TMEM132A: variants seen among roughly 807,000 people sequenced by gnomAD.
TMEM132A encodes transmembrane protein 132A.
Under a neutral mutation model 69.9 loss-of-function variants are expected in TMEM132A, and 48 were observed. The observed-to-expected ratio is 0.69, with a 90% CI of 0.55 to 0.87. The LOEUF (loss-of-function observed/expected upper bound fraction) is 0.87, where lower values mean the gene tolerates loss of function less well. Among genes scored for constraint, TMEM132A ranks in the 40% least tolerant of loss-of-function variants. TMEM132A has a pLI of 0.00. For missense variants in TMEM132A, 1,287 were observed against 1,407.2 expected (o/e 0.91, Z 1.37); for synonymous variants, 577 against 613.7 (o/e 0.94, Z 0.88).
In TMEM132A at chr11:60,936,218, C is replaced by A. The variant is rs750366214; in HGVS notation, c.2383C>A (p.Arg795=). 9.9e-6 allele frequency: 16 copies of A among 1,613,868 alleles called. No individual in the cohort carries two copies. Among genetic ancestry groups the A allele is most frequent in the Non-Finnish European group, 1.4e-5 (16 of 1,179,936 alleles). Residue 795 remains arginine, a synonymous_variant, in exon 11 of 11, where the codon CGG becomes AGG. Transcript: ENST00000453848. ...PATEATMGGK[R]QVAGSVGGNT... ...CACAGAAGCCACCATGGGTGGTAAA[C>A]GGCAGGTGGCAGGCAGTGTCGGGGG...
Position 60,927,413 on chromosome 11 carries a change from C to G in TMEM132A, c.310C>G (p.Gln104Glu). ...GGCCTCCTACCCACCTTTTGCCACT[C>G]AGCAGGTAAGGAGGGGGCACCGGGG... is the stretch of plus-strand genomic sequence containing the variant. ...LRASYPPFAT[Q>E]QVVPPRVTEP... The change falls in exon 2 of 11, where the codon CAG becomes GAG. Residue 104 changes from glutamine (Q) to glutamate (E), a missense_variant. Physicochemically the swap from Gln to Glu is conservative, Grantham distance 29. Coordinates refer to ENST00000453848, the MANE Select transcript of TMEM132A (RefSeq NM_178031.3). 1.2e-6 allele frequency: 2 copies of G among 1,611,812 alleles called. No homozygotes were observed. Among genetic ancestry groups the G allele is most frequent in the Non-Finnish European group, 1.7e-6 (2 of 1,178,998 alleles).
Position 60,927,434 on chromosome 11 carries a change from C to A in TMEM132A, c.315+16C>A. The stretch of plus-strand genomic sequence containing the variant: ...CACTCAGCAGGTAAGGAGGGGGCAC[C>A]GGGGACTCTCAGGCTAACAGGACTC... On this transcript the variant is annotated intron_variant, in intron 2 of 10. Transcript: ENST00000453848. The A allele has an allele frequency of 6.2e-7, 1 of 1,601,524 alleles. No individual in the cohort carries two copies.
At position 60,935,833 on chromosome 11, in the gene TMEM132A, A is replaced by T; in HGVS notation, c.2029-31A>T. Reference sequence around the variant, plus strand: ...TCTGTGCATGCGTGCGTGCCCTCGCATGTCTCTGCCTGTGTCTGTGTGCCC... The same window carrying T: ...TCTGTGCATGCGTGCGTGCCCTCGCTTGTCTCTGCCTGTGTCTGTGTGCCC... On this transcript the variant is annotated intron_variant, in intron 10 of 10. Coordinates refer to ENST00000453848, the MANE Select transcript of TMEM132A (RefSeq NM_178031.3). The surrounding 1 kb of genome is among the most constrained non-coding windows in gnomAD (Gnocchi z 5.0). 2 of 1,606,700 alleles carry T rather than the reference A, an allele frequency of 1.2e-6. No individual in the cohort carries two copies. The highest frequency in any genetic ancestry group is 1.7e-6 in the Non-Finnish European group (2 of 1,177,854).
chr11:60,931,606 G>T, intron 5 of TMEM132A, 83 bp from the exon 6 acceptor site: 1 of 1,363,626 alleles, frequency 7.3e-7, no homozygotes, highest in South Asian at 1.4e-5. Context: ...TGTAAAATGG[G>T]GATAATCATG....
In TMEM132A at chr11:60,930,653, A is replaced by T. The variant is rs776405918; in HGVS notation, c.1010A>T (p.Asp337Val). 6.2e-7 allele frequency: 1 copy of T among 1,608,590 alleles called. No individual in the cohort carries two copies. Among genetic ancestry groups the T allele is most frequent in the Admixed American group, 1.7e-5 (1 of 59,290 alleles). ...TCHRAGLTEPDSSPLELSEFL... is the reference protein window; with the variant it reads ...TCHRAGLTEPVSSPLELSEFL... ...CACCGTGCTGGGCTCACAGAGCCAG[A>T]TTCCAGGTGGGCAGTTTCCCTCCAC... is the stretch of plus-strand genomic sequence containing the variant. Residue 337 changes from aspartate (D) to valine (V), a missense_variant, in exon 5 of 11, where the codon GAT becomes GTT. By Grantham distance (152) the Asp-to-Val change is radical. Transcript: ENST00000453848.
chr11:60,930,903 G>T (rs2074415), intron 5 of TMEM132A, among the ~76,000 whole-genome samples: 64,879 of 152,014 alleles, frequency 0.43, 14,008 homozygotes, highest in Middle Eastern at 0.47. Context: ...CTTATTCTAA[G>T]AGATGCCAAC....
At chr11:60,928,605 A>G (rs2134896122) in intron 3 of TMEM132A, 24 bp from the exon 4 acceptor site, 2 of 1,601,198 alleles carry the variant, frequency 1.2e-6, no homozygotes, top group Non-Finnish European at 1.7e-6. Flanking sequence ...CCCCATGCCA[A>G]TTACTGCTGT....
Position 60,931,673 on chromosome 11 carries a change from C to T in TMEM132A, c.1017-16C>T. Reference sequence around the variant, plus strand: ...GCTAGCAAGCATTTGGCTTCTCTGTCTCCTTTGGCCAGCAGTCCCCTTGAA... The same window carrying T: ...GCTAGCAAGCATTTGGCTTCTCTGTTTCCTTTGGCCAGCAGTCCCCTTGAA... On this transcript the variant is annotated splice_polypyrimidine_tract_variant and intron_variant, in intron 5 of 10. Transcript: ENST00000453848. 1 of 1,593,098 alleles carries T rather than the reference C, an allele frequency of 6.3e-7. No individual in the cohort carries two copies. Among genetic ancestry groups the T allele is most frequent in the Non-Finnish European group, 8.6e-7 (1 of 1,166,284 alleles).
chr11:60,932,043 C>A lies in TMEM132A; in HGVS notation c.1272C>A (p.Arg424=). 1 of 1,596,204 alleles carries A rather than the reference C, an allele frequency of 6.3e-7. No homozygotes were observed. The highest frequency in any genetic ancestry group is 8.5e-7 in the Non-Finnish European group (1 of 1,172,078). ...LTGVPQHVPV[R]LVTVDGGGAL... ...GAGTGCCCCAGCATGTCCCCGTGCG[C>A]CTTGTCACTGTGGACGGCGGGGGGG... The change falls in exon 7 of 11, where the codon CGC becomes CGA. Residue 424 remains arginine, a synonymous_variant. Coordinates refer to ENST00000453848, the MANE Select transcript of TMEM132A (RefSeq NM_178031.3).
Position 60,936,148 on chromosome 11 carries a change from T to TC in TMEM132A, c.2315dup (p.Ala773SerfsTer22). On this transcript the variant is annotated frameshift_variant, in exon 11 of 11. Coordinates refer to ENST00000453848, the MANE Select transcript of TMEM132A (RefSeq NM_178031.3). LOFTEE classifies it low-confidence loss of function (END_TRUNC). ...GGCTGGGGCTGCCCCCTGCCTCCAC[T>TC]CCAGCCCCTGCTCTCCCATCCAGCC... 6.2e-7 allele frequency: 1 copy of TC among 1,613,710 alleles called. No individual in the cohort carries two copies. Among genetic ancestry groups the TC allele is most frequent in the African/African-American group, 1.3e-5 (1 of 75,004 alleles).
At position 60,924,475 on chromosome 11, in the gene TMEM132A, T is replaced by G. The variant is rs954502590; in HGVS notation, c.-159T>G. 9.7e-6 allele frequency: 4 copies of G among 411,200 alleles called. No homozygotes were observed. Among genetic ancestry groups the G allele is most frequent in the East Asian group, 8.8e-5 (2 of 22,770 alleles). 25.5% of individuals were successfully genotyped at this position (411,200 alleles called of 1,614,324 possible). Reference sequence around the variant, plus strand: ...CTCCCACCCCACTGCTCCCGCTCCATTGTCTGGGAATTGCAGCCGCGGGGC... The same window carrying G: ...CTCCCACCCCACTGCTCCCGCTCCAGTGTCTGGGAATTGCAGCCGCGGGGC... On this transcript the variant is annotated 5_prime_UTR_variant, in exon 1 of 11. Transcript: ENST00000453848.
chr11:60,926,066 A>C (rs1411536030), intron 1 of TMEM132A: 3 of 152,226 alleles, frequency 2.0e-5, no homozygotes, highest in Admixed American at 1.3e-4. Context: ...GTTGCAAAAG[A>C]CAGGAGACTG....
intron 7 of TMEM132A, chr11:60,933,243 G>A (rs1027826064): frequency 1.1e-4 from 47 of 412,504 alleles, no homozygotes; most frequent in African/African-American, 9.0e-4. Flanking sequence ...GAGTGCAATG[G>A]TACAGTCCGG....
intron 1 of TMEM132A, 126 bp downstream of exon 1, chr11:60,924,859 C>T: frequency 1.5e-6 from 1 of 675,234 alleles, no homozygotes; most frequent in Non-Finnish European, 2.4e-6. Flanking sequence ...CCCCGCAGCG[C>T]CCTGAAGGTC....
chr11:60,935,368 G>T lies in TMEM132A; in HGVS notation c.1953G>T (p.Leu651Phe). 1 of 1,612,834 alleles carries T rather than the reference G, an allele frequency of 6.2e-7. No homozygotes were observed. The highest frequency in any genetic ancestry group is 8.5e-7 in the Non-Finnish European group (1 of 1,179,662). Reference sequence around the variant, plus strand: ...CAGTGATGGGCATCTCGCTGACCTTGAGCCGGGGCACTGCCCACCCCGGGG... The same window carrying T: ...CAGTGATGGGCATCTCGCTGACCTTTAGCCGGGGCACTGCCCACCCCGGGG... ...VQPVMGISLT[L>F]SRGTAHPGEV... Residue 651 changes from leucine (L) to phenylalanine (F), a missense_variant, in exon 10 of 11, where the codon TTG (leucine) becomes TTT (phenylalanine). Transcript: ENST00000453848. The surrounding 1 kb of genome is among the most constrained non-coding windows in gnomAD (Gnocchi z 5.0).
At chr11:60,933,811 G>A (rs904868599) in intron 8 of TMEM132A, 67 bp downstream of exon 8, 1 of 1,426,562 alleles carries the variant, frequency 7.0e-7, no homozygotes, top group Non-Finnish European at 9.4e-7. Context: ...GGGCGCAGGG[G>A]ACACAGCCAT....
Position 60,937,115 on chromosome 11 carries a change from G to A in TMEM132A, c.*208G>A. 1 of 1,491,046 alleles carries A rather than the reference G, an allele frequency of 6.7e-7. No homozygotes were observed. Among genetic ancestry groups the A allele is most frequent in the South Asian group, 1.3e-5 (1 of 75,462 alleles). The allele number at this position is 1,491,046 out of a possible 1,614,324, so 92.4% of individuals were successfully genotyped here. ...GGAAGGGCTCATGCCCCTTATTTATGGGAACCATTTCATTCTAACAGAATA... is the reference window on the plus strand; with the variant it reads ...GGAAGGGCTCATGCCCCTTATTTATAGGAACCATTTCATTCTAACAGAATA... On this transcript the variant is annotated 3_prime_UTR_variant, in exon 11 of 11. Coordinates refer to ENST00000453848, the MANE Select transcript of TMEM132A (RefSeq NM_178031.3).
intron 8 of TMEM132A, 28 bp from the exon 9 acceptor site, chr11:60,934,460 G>C: frequency 7.4e-7 from 1 of 1,356,066 alleles, no homozygotes; most frequent in Non-Finnish European, 9.4e-7. Context: ...CAGCGCTGAC[G>C]GCCAGTCCCG....
Position 60,935,378 on chromosome 11 carries a change from A to T in TMEM132A, c.1963A>T (p.Thr655Ser). The T allele has an allele frequency of 1.2e-6, 2 of 1,612,552 alleles. No individual in the cohort carries two copies. Among genetic ancestry groups the T allele is most frequent in the Non-Finnish European group, 1.7e-6 (2 of 1,179,596 alleles). Residue 655 changes from threonine to serine, a missense_variant, in exon 10 of 11, where the codon ACT becomes TCT. Coordinates refer to ENST00000453848, the MANE Select transcript of TMEM132A (RefSeq NM_178031.3). This position sits in a 1 kb window ranked among gnomAD's most constrained non-coding sequence, Gnocchi z 5.0. ...MGISLTLSRG[T>S]AHPGEVTATC... ...CATCTCGCTGACCTTGAGCCGGGGCACTGCCCACCCCGGGGAGGTCACAGC... is the reference window on the plus strand; with the variant it reads ...CATCTCGCTGACCTTGAGCCGGGGCTCTGCCCACCCCGGGGAGGTCACAGC...
Sources: gnomAD v4.1 joint callset for allele counts (sites outside exome capture counted in the v4.1 genomes callset) on GRCh38, gnomAD v4.1.1 for gene constraint, Gnocchi (gnomAD v3.1) non-coding constraint, MANE v1.5 for transcripts, NCBI Gene and HGNC (gene_info 2026-07-23, HGNC 2026-07-21) for gene names.